Variants in PJA2 observed in about 807,000 individuals in gnomAD.
PJA2 encodes praja ring finger ubiquitin ligase 2, also known as E3 ubiquitin-protein ligase Praja-2.
PJA2 carries 25 observed loss-of-function variants against 69.3 expected under a neutral mutation model. The observed-to-expected ratio is 0.36, with a 90% confidence interval of 0.26 to 0.50. The LOEUF (loss-of-function observed/expected upper bound fraction) is 0.50. Ranked by LOEUF, PJA2 falls within the 20% of genes least tolerant of loss-of-function variation. The pLI, the probability that PJA2 is intolerant of heterozygous loss-of-function variation, is 0.96. For missense variants in PJA2, 809 were observed against 830.2 expected (o/e 0.97, Z 0.31); for synonymous variants, 308 against 277.8 (o/e 1.11, Z -1.08).
intron 1 of PJA2, among the ~76,000 whole-genome samples, chr5:109,404,305 G>C (rs1192358345): frequency 6.6e-6 from 1 of 151,798 alleles, no homozygotes; most frequent in East Asian, 1.9e-4. Context: ...TGGATTACCT[G>C]AGGTAAGGAG....
intron 7 of PJA2, 120 bp downstream of exon 7, chr5:109,355,795 G>A: frequency 1.6e-6 from 1 of 626,352 alleles, no homozygotes; most frequent in Non-Finnish European, 2.7e-6. Context: ...TTCAATAACT[G>A]TTACTAAACT....
chr5:109,402,111 AAAGTTGAGTGT>A (rs1271346134), intron 1 of PJA2, among the ~76,000 whole-genome samples: 1 of 152,188 alleles, frequency 6.6e-6, no homozygotes, highest in Non-Finnish European at 1.5e-5. Flanking sequence ...AAAGAGAGGA[AAAGTTGAGTGT>A]AAGTAGTGAG....
chr5:109,404,038 T>A (rs371381479), intron 1 of PJA2, among the ~76,000 whole-genome samples: 5 of 151,596 alleles, frequency 3.3e-5, no homozygotes, highest in African/African-American at 1.2e-4. Context: ...GCCACTGCCC[T>A]CCAGCCTGGG....
Position 109,356,031 on chromosome 5 carries a change from A to G in PJA2, c.1653-5T>C, listed in dbSNP as rs76818418. The G allele has an allele frequency of 1.4e-6, 2 of 1,422,346 alleles. No homozygotes were observed. Among genetic ancestry groups the G allele is most frequent in the Non-Finnish European group, 1.9e-6 (2 of 1,076,960 alleles). 88.1% of individuals were successfully genotyped at this position (1,422,346 alleles called of 1,614,324 possible). A position where few individuals can be genotyped will look rare whatever the true frequency, so the allele number is the denominator to read the frequency against. On this transcript the variant is annotated splice_polypyrimidine_tract_variant and splice_region_variant and intron_variant, in intron 6 of 9. Coordinates refer to ENST00000361189, the MANE Select transcript of PJA2 (RefSeq NM_014819.5). ...TCTGCAAAGCCATCAAATAGGCTGA[A>G]AAAAAAAAAAAATAACAGAAAAAAC...
chr5:109,355,688 T>C (rs1465382766), intron 7 of PJA2, among the ~76,000 whole-genome samples: 1 of 152,214 alleles, frequency 6.6e-6, no homozygotes, highest in African/African-American at 2.4e-5. Context: ...GCAAAACATT[T>C]TCCATTCTGC....
chr5:109,357,311 A>C (rs1582596297), intron 6 of PJA2, among the ~76,000 whole-genome samples: 1 of 152,158 alleles, frequency 6.6e-6, no homozygotes, highest in East Asian at 1.9e-4. Flanking sequence ...GCTCAAAAAT[A>C]GTTTTGATGT....
intron 1 of PJA2, among the ~76,000 whole-genome samples, chr5:109,386,067 G>T (rs1056841687): frequency 2.0e-5 from 3 of 151,686 alleles, no homozygotes; most frequent in Non-Finnish European, 4.4e-5. Context: ...TGTAATCCCA[G>T]CACTTTGGAA....
At chr5:109,369,357 G>A (rs1762635152) in intron 4 of PJA2, among the ~76,000 whole-genome samples, 1 of 152,102 alleles carries the variant, frequency 6.6e-6, no homozygotes, top group South Asian at 2.1e-4. Context: ...AAAAGAATAT[G>A]GCATATGGCA....
Position 109,368,581 on chromosome 5 carries a change from T to G in PJA2, c.1449A>C (p.Gln483His). The change falls in exon 5 of 10, where the codon CAA becomes CAC. Residue 483 changes from glutamine (Q) to histidine (H), a missense_variant. This residue lies in a region of PJA2 where 700 missense variants were observed against 639.5 expected (regional missense o/e 1.09). Transcript: ENST00000361189. ...SDSSGPEEEN[Q>H]ELSLQEGEQT... ...CATACCCTTCCTGAAGAGATAATTC[T>G]TGGTTTTCTTCTTCAGGGCCACTGC... 6.8e-6 allele frequency: 11 copies of G among 1,613,700 alleles called. No individual in the cohort carries two copies. Among genetic ancestry groups the G allele is most frequent in the Non-Finnish European group, 9.3e-6 (11 of 1,179,834 alleles).
chr5:109,345,298 A>G (rs905359877), intron 7 of PJA2, among the ~76,000 whole-genome samples: 2 of 150,298 alleles, frequency 1.3e-5, no homozygotes, highest in Non-Finnish European at 3.0e-5. Context: ...AGAGGTTGTA[A>G]TGAGCCGAGA....
intron 7 of PJA2, among the ~76,000 whole-genome samples, chr5:109,353,220 CTATA>C (rs1163131859): frequency 7.2e-6 from 1 of 139,606 alleles, no homozygotes; most frequent in Non-Finnish European, 1.5e-5. Context: ...CTATAGATAT[CTATA>C]TATTAGATAC....
intron 1 of PJA2, among the ~76,000 whole-genome samples, chr5:109,387,828 G>T (rs530460221): frequency 2.7e-4 from 1 of 3,770 alleles, no homozygotes; most frequent in Admixed American, 5.2e-3. Flanking sequence ...AAAGACAAAG[G>T]CCTGTTTATT....
In PJA2 at chr5:109,368,709, G is replaced by A. The variant is rs771615950; in HGVS notation, c.1321C>T (p.Pro441Ser). The A allele has an allele frequency of 8.1e-6, 13 of 1,613,802 alleles. No homozygotes were observed. The African/African-American group carries it at 1.2e-4, about 15-fold the overall frequency. The change falls in exon 5 of 10, where the codon CCT becomes TCT. Residue 441 changes from proline to serine, a missense_variant. Transcript: ENST00000361189. ...CSDGEWSASL[P>S]HRFSGTEKDQ... ...TTTTCTGTACCAGAAAATCGATGAGGCAAAGAAGCAGACCATTCCCCATCA... is the reference window on the plus strand; with the variant it reads ...TTTTCTGTACCAGAAAATCGATGAGACAAAGAAGCAGACCATTCCCCATCA...
At chr5:109,370,206 A>G (rs1762653894) in intron 4 of PJA2, among the ~76,000 whole-genome samples, 1 of 152,176 alleles carries the variant, frequency 6.6e-6, no homozygotes. Flanking sequence ...CCCTCCAACC[A>G]TATCAACCAT....
At chr5:109,404,247 G>A (rs1475616272) in intron 1 of PJA2, among the ~76,000 whole-genome samples, 5 of 151,742 alleles carry the variant, frequency 3.3e-5, no homozygotes, top group African/African-American at 4.8e-5. Context: ...TCGGCTGGGC[G>A]CGGTGGCTCA....
At chr5:109,373,031 T>C (rs1582608748) in intron 4 of PJA2, among the ~76,000 whole-genome samples, 1 of 150,354 alleles carries the variant, frequency 6.7e-6, no homozygotes. Context: ...GAGGTGGAGG[T>C]TGCAGTGAGC....
At chr5:109,365,679 T>C (rs1762574934) in intron 5 of PJA2, among the ~76,000 whole-genome samples, 1 of 152,200 alleles carries the variant, frequency 6.6e-6, no homozygotes, top group Non-Finnish European at 1.5e-5. Flanking sequence ...ATTCATTAAA[T>C]ATTTCCAAAG....
At chr5:109,364,002 A>G (rs1326723123) in intron 5 of PJA2, among the ~76,000 whole-genome samples, 1 of 152,076 alleles carries the variant, frequency 6.6e-6, no homozygotes, top group East Asian at 1.9e-4. Context: ...AACTACAAAA[A>G]ATTAGCTGGG....
chr5:109,396,561 GGA>G (rs1203381473), intron 1 of PJA2, among the ~76,000 whole-genome samples: 19 of 151,086 alleles, frequency 1.3e-4, no homozygotes, highest in Admixed American at 4.6e-4. Flanking sequence ...TGAATAGCTG[GGA>G]TTACAGGCAT....
Sources: gnomAD v4.1 joint callset for allele counts (sites outside exome capture counted in the v4.1 genomes callset) on GRCh38, gnomAD v4.1.1 for gene constraint, gnomAD v4.1.1 regional missense constraint, MANE v1.5 for transcripts, NCBI Gene and HGNC (gene_info 2026-07-23, HGNC 2026-07-21) for gene names.